The following MYO7A variants were observed in gnomAD, a reference collection of about 807,000 sequenced individuals.
MYO7A encodes myosin VIIA.
A neutral mutation model predicts 263.8 loss-of-function variants in MYO7A; 210 were observed. The observed-to-expected ratio is 0.80, with a 90% CI of 0.71 to 0.89. The LOEUF (loss-of-function observed/expected upper bound fraction) is 0.89. Ranked by LOEUF, MYO7A falls within the 40% of genes least tolerant of loss-of-function variation. MYO7A has a pLI of 0.00. For synonymous variants in MYO7A, 1,239 were observed against 1,197.3 expected (o/e 1.03, Z -0.72); for missense variants, 2,820 against 2,968.3 (o/e 0.95, Z 1.16).
At chr11:77,188,679 C>T (rs1555089749) in intron 27 of MYO7A, among the ~76,000 whole-genome samples, 1 of 152,176 alleles carries the variant, frequency 6.6e-6, no homozygotes, top group Non-Finnish European at 1.5e-5. Context: ...TGGCACTGTG[C>T]TAGGTGTGTC....
Position 77,142,777 on chromosome 11 carries a change from G to A in MYO7A, c.87G>A (p.Lys29=), listed in dbSNP as rs1951305977. The A allele has an allele frequency of 6.2e-7, 1 of 1,611,520 alleles. No individual in the cohort carries two copies. Among genetic ancestry groups the A allele is most frequent in the Admixed American group, 1.7e-5 (1 of 59,720 alleles). ...ACGTGCCCATCGGGGCGGTGGTGAA[G>A]CTCTGCGACTCTGGGCAGGTCCAGG... The part of the protein sequence containing the change: ...EFDVPIGAVV[K]LCDSGQVQVV... Residue 29 remains lysine, a synonymous_variant, in exon 3 of 49, where the codon AAG becomes AAA. Transcript: ENST00000409709.
chr11:77,200,438 C>T (rs956817229), intron 35 of MYO7A, among the ~76,000 whole-genome samples: 9 of 152,310 alleles, frequency 5.9e-5, no homozygotes, highest in African/African-American at 2.2e-4. Flanking sequence ...TCAGTTCTCA[C>T]AGAGACTATA....
intron 30 of MYO7A, 108 bp downstream of exon 30, chr11:77,190,978 C>G: frequency 7.8e-7 from 1 of 1,275,208 alleles, no homozygotes; most frequent in Non-Finnish European, 1.1e-6. Context: ...TTGAGCACCT[C>G]GGTTTCCCCC....
chr11:77,151,830 C>T (rs1170965770), intron 4 of MYO7A, among the ~76,000 whole-genome samples: 4 of 152,228 alleles, frequency 2.6e-5, no homozygotes, highest in South Asian at 2.1e-4. Flanking sequence ...CCTCCTCTTC[C>T]GGAGACCCCA....
At chr11:77,192,907 A>ATGGAGGTAGTGATGGTGTTGTTGGTGT (rs1956221666) in intron 31 of MYO7A, among the ~76,000 whole-genome samples, 6 of 1,598 alleles carry the variant, frequency 3.8e-3, no homozygotes, top group Admixed American at 0.017. Flanking sequence ...GGTGTTGGTG[A>ATGGAGGTAGTGATGGTGTTGTTGGTGT]TGGTGGAGGG....
chr11:77,152,009 A>G (rs1952011408), intron 4 of MYO7A, among the ~76,000 whole-genome samples: 1 of 152,122 alleles, frequency 6.6e-6, no homozygotes, highest in South Asian at 2.1e-4. Context: ...CGCCTCTCTC[A>G]TCTGCAAAGC....
At chr11:77,153,756 CTCTGTG>C (rs1952190148) in intron 4 of MYO7A, among the ~76,000 whole-genome samples, 1 of 152,198 alleles carries the variant, frequency 6.6e-6, no homozygotes, top group African/African-American at 2.4e-5. Flanking sequence ...CCTTTCACGC[CTCTGTG>C]CTTGCTACCA....
chr11:77,210,172 AT>A (rs1957766842), intron 44 of MYO7A, among the ~76,000 whole-genome samples: 1 of 152,308 alleles, frequency 6.6e-6, no homozygotes, highest in South Asian at 2.1e-4. Flanking sequence ...GTTTGGTATG[AT>A]TTTTAATGTC....
In MYO7A at chr11:77,162,106, C is replaced by G. The variant is rs538807487; in HGVS notation, c.1344-14C>G. ...CCTGAACAACACCCTTACCCCATCC[C>G]TGTGCCCCTGCAGCTTTGAGCAGCT... On this transcript the variant is annotated splice_polypyrimidine_tract_variant and intron_variant, in intron 12 of 48. Transcript: ENST00000409709. 2 of 1,587,042 alleles carry G rather than the reference C, an allele frequency of 1.3e-6. No homozygotes were observed. Among genetic ancestry groups the G allele is most frequent in the Non-Finnish European group, 1.7e-6 (2 of 1,166,414 alleles).
At position 77,157,297 on chromosome 11, in the gene MYO7A, T is replaced by A. The variant is rs1555063874; in HGVS notation, c.754T>A (p.Tyr252Asn). The change falls in exon 8 of 49, where the codon TAC becomes AAC. Residue 252 changes from tyrosine to asparagine, a missense_variant. Tyr to Asn is a moderately radical substitution (Grantham distance 143). Coordinates refer to ENST00000409709, the MANE Select transcript of MYO7A (RefSeq NM_000260.4). ...TTTTCAGGCCCTGGATGAAAGGAAC[T>A]ACCACGTGTTCTACTGCATGCTGGA... Reference protein sequence around the residue: ...VCRQALDERNYHVFYCMLEGM... With the variant: ...VCRQALDERNNHVFYCMLEGM... 1 of 1,611,012 alleles carries A rather than the reference T, an allele frequency of 6.2e-7. No homozygotes were observed. Among genetic ancestry groups the A allele is most frequent in the East Asian group, 2.2e-5 (1 of 44,820 alleles).
At chr11:77,139,064 G>T (rs1235132558) in intron 2 of MYO7A, among the ~76,000 whole-genome samples, 1 of 152,246 alleles carries the variant, frequency 6.6e-6, no homozygotes, top group African/African-American at 2.4e-5. Context: ...AGGAAGGAGG[G>T]TAGACAGAAA....
intron 12 of MYO7A, among the ~76,000 whole-genome samples, chr11:77,161,587 A>G (rs1335744197): frequency 1.3e-5 from 2 of 152,160 alleles, no homozygotes; most frequent in African/African-American, 2.4e-5. Context: ...GGCAAGTCAT[A>G]TCAGTTCCCT....
intron 18 of MYO7A, among the ~76,000 whole-genome samples, chr11:77,176,138 T>C (rs529207559): frequency 2.6e-5 from 4 of 152,290 alleles, no homozygotes; most frequent in Admixed American, 2.6e-4. Flanking sequence ...GGCTCCTTCC[T>C]CTGGTGTGGG....
At chr11:77,185,922 A>ATT (rs370558760) in intron 27 of MYO7A, among the ~76,000 whole-genome samples, 5,241 of 137,868 alleles carry the variant, frequency 0.038, 155 homozygotes, top group Non-Finnish European at 0.058. Context: ...CTTGTACATC[A>ATT]TTTTTTTTTT....
At chr11:77,152,262 C>T (rs762417849) in intron 4 of MYO7A, among the ~76,000 whole-genome samples, 29 of 152,258 alleles carry the variant, frequency 1.9e-4, no homozygotes, top group Non-Finnish European at 3.7e-4. Context: ...ATCCCTCCCA[C>T]GCTGTTCTGT....
intron 32 of MYO7A, among the ~76,000 whole-genome samples, chr11:77,196,451 G>C (rs1451777458): frequency 6.6e-6 from 1 of 151,950 alleles, no homozygotes; most frequent in Non-Finnish European, 1.5e-5. Flanking sequence ...AAATATGGTA[G>C]GTTGGGGAAG....
At chr11:77,162,015 G>A in intron 12 of MYO7A, 105 bp from the exon 13 acceptor site, 2 of 1,042,586 alleles carry the variant, frequency 1.9e-6, no homozygotes, top group African/African-American at 1.6e-5. Flanking sequence ...GTCCATGATG[G>A]GGATAGCTTG....
intron 32 of MYO7A, among the ~76,000 whole-genome samples, chr11:77,196,010 A>C (rs189170970): frequency 6.6e-6 from 1 of 152,294 alleles, no homozygotes; most frequent in East Asian, 1.9e-4. Context: ...TCCTGCTCTT[A>C]AAAGGGCACG....
chr11:77,200,045 G>T (rs1956954572), intron 35 of MYO7A, among the ~76,000 whole-genome samples: 2 of 152,184 alleles, frequency 1.3e-5, no homozygotes, highest in Non-Finnish European at 2.9e-5. Context: ...GAGATGGGAG[G>T]ATCACTTGAG....
Sources: gnomAD v4.1 joint callset for allele counts (sites outside exome capture counted in the v4.1 genomes callset) on GRCh38, gnomAD v4.1.1 for gene constraint, MANE v1.5 for transcripts, NCBI Gene and HGNC (gene_info 2026-07-23, HGNC 2026-07-21) for gene names.